TEKT1: variants seen among roughly 807,000 people sequenced by gnomAD.
The protein encoded by TEKT1 is tektin 1, also known as tektin-1.
TEKT1 carries 32 observed loss-of-function variants against 34.8 expected under a neutral mutation model. The ratio of observed to expected loss-of-function variants is 0.92; its 90% CI spans 0.69 to 1.23. The LOEUF is 1.23. Among genes scored for constraint, TEKT1 ranks in the 50% most tolerant of loss-of-function variants. TEKT1 has a pLI of 0.00. For synonymous variants in TEKT1, 207 were observed against 199.8 expected (o/e 1.04, Z -0.30); for missense variants, 492 against 518.5 (o/e 0.95, Z 0.50).
chr17:6,816,313 C>T (rs779434385), intron 3 of TEKT1, among the ~76,000 whole-genome samples: 1 of 152,058 alleles, frequency 6.6e-6, no homozygotes, highest in Non-Finnish European at 1.5e-5. Flanking sequence ...ACATGTGCCA[C>T]ATTGGTTTGC....
chr17:6,815,220 A>G lies in TEKT1; in HGVS notation c.572T>C (p.Leu191Pro), dbSNP rs1976987575. The G allele has an allele frequency of 6.2e-7, 1 of 1,614,096 alleles. No homozygotes were observed. Among genetic ancestry groups the G allele is most frequent in the African/African-American group, 1.3e-5 (1 of 74,930 alleles). The change falls in exon 5 of 8, where the codon CTC becomes CCC. Residue 191 changes from leucine to proline, a missense_variant. Transcript: ENST00000338694. Reference protein sequence around the residue: ...ALTIDDICFSLNNNSPNIRYS... With the variant: ...ALTIDDICFSPNNNSPNIRYS... Reference sequence around the variant, plus strand: ...TCTGATGTTTGGTGAGTTGTTGTTGAGCGAGAAGCAGATATCATCTATGGT... The same window carrying G: ...TCTGATGTTTGGTGAGTTGTTGTTGGGCGAGAAGCAGATATCATCTATGGT...
At chr17:6,808,222 T>C (rs952933976) in intron 6 of TEKT1, among the ~76,000 whole-genome samples, 9 of 152,174 alleles carry the variant, frequency 5.9e-5, no homozygotes, top group African/African-American at 2.2e-4. Context: ...CAGACTGCTG[T>C]GCTAGCAGTG....
intron 6 of TEKT1, 35 bp downstream of exon 6, chr17:6,812,796 C>T (rs370523263): frequency 2.5e-4 from 399 of 1,593,498 alleles, no homozygotes; most frequent in Non-Finnish European, 3.3e-4. Flanking sequence ...GCTCCTGAAT[C>T]TGCTCTTCTT....
At chr17:6,803,891 C>A (rs1403754783) in intron 6 of TEKT1, among the ~76,000 whole-genome samples, 1 of 151,974 alleles carries the variant, frequency 6.6e-6, no homozygotes, top group Admixed American at 6.6e-5. Flanking sequence ...AGTCAGGTAG[C>A]GTGATGCCTC....
chr17:6,819,252 T>G lies in TEKT1; in HGVS notation c.297A>C (p.Glu99Asp). 6.2e-7 allele frequency: 1 copy of G among 1,614,136 alleles called. No homozygotes were observed. Among genetic ancestry groups the G allele is most frequent in the Non-Finnish European group, 8.5e-7 (1 of 1,180,008 alleles). ...DDLLIYKIRL[E>D]KALETLKEPL... ...GCTCTTTCAAGGTCTCCAGGGCTTT[T>G]TCCAATCTGATCTTATATATGAGTA... Residue 99 changes from glutamate to aspartate, a missense_variant, in exon 3 of 8, where the codon GAA becomes GAC. Transcript: ENST00000338694.
At position 6,830,187 on chromosome 17, in the gene TEKT1, C is replaced by A. The variant is rs750164759; in HGVS notation, c.190G>T (p.Glu64Ter). 44 of 1,607,636 alleles carry A rather than the reference C, an allele frequency of 2.7e-5. No homozygotes were observed. The highest frequency in any genetic ancestry group is 3.7e-5 in the Non-Finnish European group (44 of 1,178,740). Residue 64 changes from glutamate to a stop codon, truncating the protein, a stop_gained and splice_region_variant, in exon 2 of 8, where the codon GAA (glutamate) becomes TAA (stop). Transcript: ENST00000338694. LOFTEE classifies it high-confidence loss of function. ...GAATATGCCAAGCATGTTGTCTTAC[C>A]TAGTTTCTTGTTCACATCGCTTTGA... ...KSQSDVNKKL[E>*]QRLEEVQFWK...
intron 5 of TEKT1, 36 bp from the exon 6 acceptor site, chr17:6,813,089 T>C: frequency 6.3e-7 from 1 of 1,585,738 alleles, no homozygotes; most frequent in East Asian, 2.2e-5. Context: ...CACAGCATAT[T>C]TGGGGTGGGG....
At position 6,800,775 on chromosome 17, in the gene TEKT1, C is replaced by A. The variant is rs1473785216; in HGVS notation, c.1021G>T (p.Val341Phe). The change falls in exon 7 of 8, where the codon GTT (valine) becomes TTT (phenylalanine). Residue 341 changes from valine to phenylalanine, a missense_variant. Coordinates refer to ENST00000338694, the MANE Select transcript of TEKT1 (RefSeq NM_053285.2). ...GCGACATTGTGGGTGATCTCTTGAA[C>A]CTCCTTCATTAGCCTATATTGTGCG... is the stretch of plus-strand genomic sequence containing the variant. Reference protein sequence around the residue: ...DVAQYRLMKEVQEITHNVARL... With the variant: ...DVAQYRLMKEFQEITHNVARL... 6.2e-7 allele frequency: 1 copy of A among 1,612,100 alleles called. No individual in the cohort carries two copies. The highest frequency in any genetic ancestry group is 1.1e-5 in the South Asian group (1 of 90,840).
intron 6 of TEKT1, among the ~76,000 whole-genome samples, chr17:6,807,492 T>G (rs1258547644): frequency 6.6e-6 from 1 of 152,242 alleles, no homozygotes; most frequent in Non-Finnish European, 1.5e-5. Context: ...TCCATTAAGC[T>G]TTGTTCCATT....
rs1233701387 is a variant in TEKT1 at position 6,830,171 on chromosome 17, A to G, written c.190+16T>C. On this transcript the variant is annotated intron_variant, in intron 2 of 7. Transcript: ENST00000338694. Reference sequence around the variant, plus strand: ...ATCCTAGCATGTTCACGAATATGCCAAGCATGTTGTCTTACCTAGTTTCTT... The same window carrying G: ...ATCCTAGCATGTTCACGAATATGCCGAGCATGTTGTCTTACCTAGTTTCTT... The G allele has an allele frequency of 6.2e-7, 1 of 1,602,714 alleles. No individual in the cohort carries two copies. Among genetic ancestry groups the G allele is most frequent in the East Asian group, 2.2e-5 (1 of 44,736 alleles).
Position 6,800,233 on chromosome 17 carries a change from A to G in TEKT1, c.1051T>C (p.Leu351=), listed in dbSNP as rs780681926. ...TGAGCTTGGGCTAAAGTTTCCTTCA[A>G]TCTAGGAGAAAGGGAAGAAGAGAAG... is the stretch of plus-strand genomic sequence containing the variant. ...VQEITHNVAR[L]KETLAQAQAE... is the part of the protein sequence containing the mutation. Residue 351 remains leucine (L), a splice_region_variant and synonymous_variant, in exon 8 of 8, where the codon TTG becomes CTG. Coordinates refer to ENST00000338694, the MANE Select transcript of TEKT1 (RefSeq NM_053285.2). 8 of 1,612,290 alleles carry G rather than the reference A, an allele frequency of 5.0e-6. No homozygotes were observed. The highest frequency in any genetic ancestry group is 3.4e-5 in the Admixed American group (2 of 59,506).
chr17:6,800,711 A>C, intron 7 of TEKT1, 36 bp downstream of exon 7: 1 of 1,581,798 alleles, frequency 6.3e-7, no homozygotes, highest in Non-Finnish European at 8.6e-7. Context: ...TGGGATTGAG[A>C]CCCGAAGGCC....
At position 6,799,930 on chromosome 17, in the gene TEKT1, G is replaced by A. The variant is rs991244262; in HGVS notation, c.*97C>T. 1.8e-5 allele frequency: 23 copies of A among 1,244,400 alleles called. No homozygotes were observed. Among genetic ancestry groups the A allele is most frequent in the Non-Finnish European group, 2.4e-5 (22 of 914,442 alleles). 77.1% of individuals were successfully genotyped at this position (1,244,400 alleles called of 1,614,324 possible). A position where few individuals can be genotyped will look rare whatever the true frequency, so the allele number is the denominator to read the frequency against. ...AATGCCAGCCAAGAGGTTGCAGCAG[G>A]CTGGCTAGAGGCCCCGCCAGCCTGA... On this transcript the variant is annotated 3_prime_UTR_variant, in exon 8 of 8. Transcript: ENST00000338694.
intron 2 of TEKT1, among the ~76,000 whole-genome samples, chr17:6,824,478 C>T (rs928534836): frequency 5.3e-5 from 8 of 152,162 alleles, no homozygotes; most frequent in South Asian, 2.1e-4. Flanking sequence ...ATAAATGTCC[C>T]ACTCATCCTG....
chr17:6,830,196 T>A lies in TEKT1; in HGVS notation c.181A>T (p.Lys61Ter). Residue 61 changes from lysine (K) to a stop codon, truncating the protein, a stop_gained, in exon 2 of 8, where the codon AAG becomes TAG. Transcript: ENST00000338694. LOFTEE classifies it high-confidence loss of function. ...AAGCATGTTGTCTTACCTAGTTTCT[T>A]GTTCACATCGCTTTGAGATTTTCTT... ...TTRKSQSDVN[K>*]KLEQRLEEVQ... 6.2e-7 allele frequency: 1 copy of A among 1,609,292 alleles called. No individual in the cohort carries two copies. Among genetic ancestry groups the A allele is most frequent in the Non-Finnish European group, 8.5e-7 (1 of 1,179,078 alleles).
intron 2 of TEKT1, among the ~76,000 whole-genome samples, chr17:6,826,235 G>C (rs1327277898): frequency 6.6e-6 from 1 of 152,106 alleles, no homozygotes; most frequent in African/African-American, 2.4e-5. Context: ...ATGTTCGTCG[G>C]CTGTTTGAAT....
Position 6,830,411 on chromosome 17 carries a change from CTT to C in TEKT1, c.-17-20_-17-19del. ...CCAAATTCCTGATCAAAAGCAGACT[CTT>C]TTAGATTAAATGAAAGCAATTTGTC... is the stretch of plus-strand genomic sequence containing the variant. On this transcript the variant is annotated intron_variant, in intron 1 of 7. Transcript: ENST00000338694. The C allele has an allele frequency of 4.0e-6, 6 of 1,487,288 alleles. No individual in the cohort carries two copies. Among genetic ancestry groups the C allele is most frequent in the Non-Finnish European group, 5.4e-6 (6 of 1,108,708 alleles). 92.1% of individuals were successfully genotyped at this position (1,487,288 alleles called of 1,614,324 possible).
At chr17:6,821,567 G>A (rs1353590897) in intron 2 of TEKT1, among the ~76,000 whole-genome samples, 1 of 152,166 alleles carries the variant, frequency 6.6e-6, no homozygotes, top group Admixed American at 6.6e-5. Context: ...AATTAGTACT[G>A]GAAGTGAGGC....
Position 6,819,318 on chromosome 17 carries a change from T to G in TEKT1, c.231A>C (p.Leu77Phe). The G allele has an allele frequency of 6.2e-7, 1 of 1,614,088 alleles. No individual in the cohort carries two copies. Among genetic ancestry groups the G allele is most frequent in the Non-Finnish European group, 8.5e-7 (1 of 1,179,990 alleles). The change falls in exon 3 of 8, where the codon TTA becomes TTC. Residue 77 changes from leucine to phenylalanine, a missense_variant. Coordinates refer to ENST00000338694, the MANE Select transcript of TEKT1 (RefSeq NM_053285.2). The stretch of plus-strand genomic sequence containing the variant: ...TCACAAGCTGCTCAAGTTTGTCATC[T>G]AACTCCTTCTTCCAGAACTGGACTT... ...LEEVQFWKKE[L>F]DDKLEQLVNV...
Sources: gnomAD v4.1 joint callset for allele counts (sites outside exome capture counted in the v4.1 genomes callset) on GRCh38, gnomAD v4.1.1 for gene constraint, MANE v1.5 for transcripts, NCBI Gene and HGNC (gene_info 2026-07-23, HGNC 2026-07-21) for gene names.